The following AGFG1 variants were observed in gnomAD, a reference collection of about 807,000 sequenced individuals.
AGFG1 encodes ArfGAP with FG repeats 1, also known as arf-GAP domain and FG repeat-containing protein 1.
Under a neutral mutation model 60.6 loss-of-function variants are expected in AGFG1, and 10 were observed. The observed-to-expected ratio is 0.16, with a 90% CI of 0.10 to 0.28. AGFG1 has a LOEUF of 0.28. Ranked by LOEUF, AGFG1 falls within the 10% of genes least tolerant of loss-of-function variation. AGFG1 has a pLI of 1.00. For synonymous variants in AGFG1, 247 were observed against 242.9 expected (o/e 1.02, Z -0.16); for missense variants, 537 against 676.5 (o/e 0.79, Z 2.29).
intron 1 of AGFG1, among the ~76,000 whole-genome samples, chr2:227,473,408 G>A (rs1244954362): frequency 2.0e-5 from 3 of 152,160 alleles, no homozygotes; most frequent in African/African-American, 7.2e-5. Flanking sequence ...TTATCTGTGA[G>A]ATTTATCTGT....
chr2:227,549,763 C>A (rs1218137346), intron 10 of AGFG1, among the ~76,000 whole-genome samples: 2 of 152,044 alleles, frequency 1.3e-5, no homozygotes, highest in Non-Finnish European at 2.9e-5. Context: ...TTTTTAATGA[C>A]TGTAAAAAAG....
chr2:227,501,944 G>C (rs190630359), intron 2 of AGFG1, among the ~76,000 whole-genome samples: 4 of 151,900 alleles, frequency 2.6e-5, no homozygotes, highest in Admixed American at 2.6e-4. Context: ...CTGCAGCCTT[G>C]ACCACCTGTG....
chr2:227,489,238 T>G (rs1311197265), intron 1 of AGFG1, among the ~76,000 whole-genome samples: 3 of 143,892 alleles, frequency 2.1e-5, no homozygotes, highest in Admixed American at 1.4e-4. Context: ...TTTTTTTTTT[T>G]TTTTTTTTTT....
Position 227,488,495 on chromosome 2 carries a change from T to C in AGFG1, c.168-3052T>C, listed in dbSNP as rs370154309. 2.0e-4 allele frequency among the ~76,000 whole-genome samples: 30 copies of C among 152,364 alleles called. No individual in the cohort carries two copies. The East Asian group carries it at 3.3e-3, about 17-fold the overall frequency. Reference sequence around the variant, plus strand: ...CATCAGAAAGTTACTCCTTTGCCTTTTCCATTTTTAAAAGGAGATATTACC... The same window carrying C: ...CATCAGAAAGTTACTCCTTTGCCTTCTCCATTTTTAAAAGGAGATATTACC... On this transcript the variant is annotated intron_variant, in intron 1 of 12. Coordinates refer to ENST00000310078, the MANE Select transcript of AGFG1 (RefSeq NM_004504.5).
intron 5 of AGFG1, among the ~76,000 whole-genome samples, chr2:227,526,478 T>C (rs944327759): frequency 2.0e-5 from 3 of 149,672 alleles, no homozygotes; most frequent in African/African-American, 7.5e-5. Flanking sequence ...CCTTAAGTGA[T>C]CTACCCACCT....
chr2:227,519,733 A>G (rs1691771937), intron 2 of AGFG1, among the ~76,000 whole-genome samples: 1 of 152,136 alleles, frequency 6.6e-6, no homozygotes, highest in Non-Finnish European at 1.5e-5. Flanking sequence ...TTCACTCTTC[A>G]TTTCCCCTTT....
chr2:227,494,550 T>G (rs1175505954), intron 2 of AGFG1, among the ~76,000 whole-genome samples: 2 of 152,200 alleles, frequency 1.3e-5, no homozygotes, highest in East Asian at 3.8e-4. Context: ...CCAGGGAGTT[T>G]TAGTGAGCTG....
At chr2:227,521,406 C>T (rs1443487678) in intron 3 of AGFG1, among the ~76,000 whole-genome samples, 4 of 152,028 alleles carry the variant, frequency 2.6e-5, no homozygotes, top group Non-Finnish European at 4.4e-5. Context: ...TTAGTCAGGG[C>T]TATATTCAGC....
chr2:227,523,890 C>T lies in AGFG1; in HGVS notation c.505C>T (p.Pro169Ser). The T allele has an allele frequency of 6.2e-7, 1 of 1,613,798 alleles. No individual in the cohort carries two copies. The highest frequency in any genetic ancestry group is 8.5e-7 in the Non-Finnish European group (1 of 1,179,918). ...GAAATCTCTTTTAGGGGATTCTGCA[C>T]CAACACTGCACTTAAATAAGGGCAC... The part of the protein sequence containing the change: ...PLKSLLGDSA[P>S]TLHLNKGTPS... Residue 169 changes from proline to serine, a missense_variant, in exon 4 of 13, where the codon CCA becomes TCA. Transcript: ENST00000310078.
intron 1 of AGFG1, among the ~76,000 whole-genome samples, chr2:227,473,662 TACTA>T (rs1356459645): frequency 6.6e-6 from 1 of 152,260 alleles, no homozygotes; most frequent in East Asian, 1.9e-4. Flanking sequence ...TATTTAAAGT[TACTA>T]ACAACGTGGC....
intron 11 of AGFG1, among the ~76,000 whole-genome samples, chr2:227,552,352 C>G (rs1692845341): frequency 6.6e-6 from 1 of 152,096 alleles, no homozygotes; most frequent in Admixed American, 6.5e-5. Context: ...AAAGAGCATC[C>G]CGTCATTCTC....
chr2:227,473,419 A>G (rs1257815913), intron 1 of AGFG1, among the ~76,000 whole-genome samples: 1 of 152,162 alleles, frequency 6.6e-6, no homozygotes, highest in African/African-American at 2.4e-5. Context: ...ATTTATCTGT[A>G]TCTCGCTATC....
chr2:227,527,325 TTC>T lies in AGFG1; in HGVS notation c.694+2416_694+2417del, dbSNP rs546906008. On this transcript the variant is annotated intron_variant, in intron 5 of 12. Coordinates refer to ENST00000310078, the MANE Select transcript of AGFG1 (RefSeq NM_004504.5). ...AAAGGTACAATAAACATTGTTTGTC[TTC>T]TCTCTTTTATACACACTTCATATAT... 2.3e-4 allele frequency among the ~76,000 whole-genome samples: 35 copies of T among 152,358 alleles called. No individual in the cohort carries two copies. The South Asian group carries it at 7.0e-3, about 31-fold the overall frequency.
rs912666332 is a variant in AGFG1 at position 227,556,616 on chromosome 2, T to C, written c.*2121T>C. ...CTAATTACAGACCATTACCCAAATA[T>C]CCTACCAGGCTTTCCATCTGAATAG... On this transcript the variant is annotated 3_prime_UTR_variant, in exon 13 of 13. Transcript: ENST00000310078. 2 of 152,634 alleles carry C rather than the reference T, an allele frequency of 1.3e-5. No homozygotes were observed. The highest frequency in any genetic ancestry group is 4.8e-5 in the African/African-American group (2 of 41,456). The allele number at this position is 152,634 out of a possible 1,614,324, so 9.5% of individuals were successfully genotyped here. A position where few individuals can be genotyped will look rare whatever the true frequency, so the allele number is the denominator to read the frequency against.
rs1690112050 is a variant in AGFG1, at chr2:227,472,273, G to A, written c.-149G>A. 1.2e-5 allele frequency: 4 copies of A among 344,060 alleles called. No homozygotes were observed. The South Asian group carries it at 4.3e-4, about 37-fold the overall frequency. The allele number at this position is 344,060 out of a possible 1,614,324, so 21.3% of individuals were successfully genotyped here. On this transcript the variant is annotated 5_prime_UTR_variant, in exon 1 of 13. Transcript: ENST00000310078. ...CCCGGGCCGCGTCGAGCCCAGTACA[G>A]CCAAGCCGCTGCGGCCGGGTCCGGC... is the stretch of plus-strand genomic sequence containing the variant.
In AGFG1 at chr2:227,556,565, G is replaced by A. The variant is rs956343337; in HGVS notation, c.*2070G>A. On this transcript the variant is annotated 3_prime_UTR_variant, in exon 13 of 13. Transcript: ENST00000310078. ...TTTTAGATTGTATCGGGTCCCAGTTGATTCATGTGTACAAAGTTATGCTAC... is the reference window on the plus strand; with the variant it reads ...TTTTAGATTGTATCGGGTCCCAGTTAATTCATGTGTACAAAGTTATGCTAC... The A allele has an allele frequency of 6.6e-6, 1 of 152,596 alleles. No individual in the cohort carries two copies. The highest frequency in any genetic ancestry group is 1.5e-5 in the Non-Finnish European group (1 of 68,028). 9.5% of individuals were successfully genotyped at this position (152,596 alleles called of 1,614,324 possible). A position where few individuals can be genotyped will look rare whatever the true frequency, so the allele number is the denominator to read the frequency against.
chr2:227,504,431 G>A (rs1211237957), intron 2 of AGFG1, among the ~76,000 whole-genome samples: 1 of 152,146 alleles, frequency 6.6e-6, no homozygotes, highest in African/African-American at 2.4e-5. Context: ...GGGCCCAAAT[G>A]ATCCGCCTGC....
chr2:227,487,197 A>C (rs1163127411), intron 1 of AGFG1, among the ~76,000 whole-genome samples: 2 of 152,192 alleles, frequency 1.3e-5, no homozygotes, highest in Non-Finnish European at 2.9e-5. Flanking sequence ...CTAAAAATCT[A>C]AATTTTTGGA....
At chr2:227,500,928 G>A (rs939842792) in intron 2 of AGFG1, among the ~76,000 whole-genome samples, 3 of 152,058 alleles carry the variant, frequency 2.0e-5, no homozygotes, top group African/African-American at 7.2e-5. Context: ...GAGTAGCTGG[G>A]ATTACAGGCG....
Sources: gnomAD v4.1 joint callset for allele counts (sites outside exome capture counted in the v4.1 genomes callset) on GRCh38, gnomAD v4.1.1 for gene constraint, MANE v1.5 for transcripts, NCBI Gene and HGNC (gene_info 2026-07-23, HGNC 2026-07-21) for gene names.